The following MMP26 variants were observed in gnomAD, a reference collection of about 807,000 sequenced individuals.
MMP26 encodes matrix metallopeptidase 26.
Under a neutral mutation model 31.0 loss-of-function variants are expected in MMP26, and 33 were observed. The observed-to-expected ratio is 1.06, with a 90% CI of 0.81 to 1.42. The LOEUF (loss-of-function observed/expected upper bound fraction) is 1.42, where lower values mean the gene tolerates loss of function less well. MMP26 is among the 40% of genes most tolerant of loss of function. The pLI is 0.00. For synonymous variants in MMP26, 122 were observed against 114.9 expected, an observed-to-expected ratio of 1.06 and a Z score of -0.40; for missense variants, 347 against 316.1, an observed-to-expected ratio of 1.10 and a Z score of -0.74.
At chr11:4,754,927 C>T (rs182213096) in intron 1 of MMP26, among the ~76,000 whole-genome samples, 19 of 152,090 alleles carry the variant, frequency 1.2e-4, no homozygotes, top group African/African-American at 4.3e-4. Context: ...CACAGAACCA[C>T]AACCTGTATA....
rs1847756870 is a variant in MMP26 at position 4,705,043 on chromosome 11, A to G, written c.-219A>G. On this transcript the variant is annotated splice_region_variant and 5_prime_UTR_variant, in exon 1 of 8. Transcript: ENST00000380390. ...TTCCAGACCCAAGAATTCTGTGCAC[A>G]AGGTCAGTGTTGTAGTGCATTGAAG... 6.6e-6 allele frequency: 1 copy of G among 152,218 alleles called. No homozygotes were observed. Among genetic ancestry groups the G allele is most frequent in the Non-Finnish European group, 1.5e-5 (1 of 68,052 alleles). The allele number at this position is 152,218 out of a possible 1,614,324, so 9.4% of individuals were successfully genotyped here.
intron 2 of MMP26, among the ~76,000 whole-genome samples, chr11:4,902,742 A>C (rs1246727711): frequency 1.3e-5 from 2 of 152,206 alleles, no homozygotes; most frequent in Admixed American, 1.3e-4. Context: ...TTTGCTTCAG[A>C]TAACTTAACA....
intron 1 of MMP26, among the ~76,000 whole-genome samples, chr11:4,757,488 C>CA (rs951494075): frequency 1.1e-4 from 17 of 150,418 alleles, no homozygotes; most frequent in African/African-American, 2.9e-4. Context: ...AGACTTCAAA[C>CA]AAAAAAAAGT....
chr11:4,715,744 A>C (rs538311142), intron 1 of MMP26, among the ~76,000 whole-genome samples: 1 of 152,280 alleles, frequency 6.6e-6, no homozygotes, highest in East Asian at 1.9e-4. Context: ...TAGAATTCTA[A>C]AAGGGCTCTA....
intron 2 of MMP26, among the ~76,000 whole-genome samples, chr11:4,873,628 A>C (rs565279782): frequency 6.6e-6 from 1 of 152,160 alleles, no homozygotes; most frequent in African/African-American, 2.4e-5. Flanking sequence ...TTCATGACAA[A>C]TCTTTTGAGA....
chr11:4,763,553 G>A (rs1260968450), intron 1 of MMP26, among the ~76,000 whole-genome samples: 2 of 152,214 alleles, frequency 1.3e-5, no homozygotes, highest in African/African-American at 4.8e-5. Flanking sequence ...TGAAGGGCAT[G>A]TGGATAATTT....
intron 2 of MMP26, among the ~76,000 whole-genome samples, chr11:4,810,815 G>A (rs139118650): frequency 1.1e-3 from 166 of 152,294 alleles, no homozygotes; most frequent in African/African-American, 3.8e-3. Context: ...TTTCAGTACC[G>A]AATCCAGATT....
intron 2 of MMP26, among the ~76,000 whole-genome samples, chr11:4,901,390 G>A (rs2133559086): frequency 6.6e-6 from 1 of 152,014 alleles, no homozygotes; most frequent in Admixed American, 6.6e-5. Context: ...TCAATCTCCT[G>A]ACCTTGTGAT....
At position 4,812,242 on chromosome 11, in the gene MMP26, AT is replaced by A. The variant is rs199559594; in HGVS notation, c.-145+44902del. ...TTGGTGTGTGTATATATATATGTAT[AT>A]GTATATGTGTAATATATGTGTATAT... On this transcript the variant is annotated intron_variant, in intron 2 of 7. Transcript: ENST00000380390. 2.2e-3 allele frequency among the ~76,000 whole-genome samples: 334 copies of A among 152,292 alleles called. 9 individuals are homozygous for A. In the East Asian group the frequency reaches 0.041, roughly 19 times the overall value.
chr11:4,821,196 T>C (rs1033664208), intron 2 of MMP26: 11 of 556,576 alleles, frequency 2.0e-5, no homozygotes, highest in Non-Finnish European at 3.5e-5. Context: ...AAATTTGATG[T>C]GGCACAGTTC....
chr11:4,868,570 A>T (rs915589583), intron 2 of MMP26, among the ~76,000 whole-genome samples: 1 of 152,206 alleles, frequency 6.6e-6, no homozygotes, highest in African/African-American at 2.4e-5. Flanking sequence ...ATAAAAGAGG[A>T]TACAAACAAA....
At chr11:4,878,684 C>T (rs1040312167) in intron 2 of MMP26, among the ~76,000 whole-genome samples, 10 of 152,062 alleles carry the variant, frequency 6.6e-5, no homozygotes, top group Non-Finnish European at 1.3e-4. Context: ...GAAAACTATA[C>T]TTTATTAAGA....
intron 2 of MMP26, 63 bp from the exon 3 acceptor site, chr11:4,988,005 T>G: frequency 1.6e-6 from 1 of 609,150 alleles, no homozygotes; most frequent in Non-Finnish European, 3.0e-6. Flanking sequence ...TGAACTGAGC[T>G]TAAAAATAAA....
chr11:4,743,933 G>A (rs1180046972), intron 1 of MMP26, among the ~76,000 whole-genome samples: 4 of 151,994 alleles, frequency 2.6e-5, no homozygotes, highest in African/African-American at 9.7e-5. Flanking sequence ...AACCTCCTGA[G>A]CAGGTAGGAT....
chr11:4,888,547 G>C (rs34924020), intron 2 of MMP26, among the ~76,000 whole-genome samples: 12,786 of 152,056 alleles, frequency 0.084, 678 homozygotes, highest in Middle Eastern at 0.18. Context: ...AAAAAATGCT[G>C]TATTTTGAAA....
chr11:4,750,873 T>C (rs1197386469), intron 1 of MMP26, among the ~76,000 whole-genome samples: 1 of 152,030 alleles, frequency 6.6e-6, no homozygotes, highest in Non-Finnish European at 1.5e-5. Flanking sequence ...TTCAGCACTA[T>C]GCAATATATC....
intron 1 of MMP26, among the ~76,000 whole-genome samples, chr11:4,732,541 CAAAAAA>C (rs56079183): frequency 9.5e-5 from 9 of 94,670 alleles, no homozygotes; most frequent in Admixed American, 4.3e-4. Context: ...AGACTCGTCT[CAAAAAA>C]AAAAAAAAAA....
intron 2 of MMP26, chr11:4,882,885 G>T: frequency 6.2e-7 from 1 of 1,607,344 alleles, no homozygotes; most frequent in Non-Finnish European, 8.5e-7. Context: ...TGGGATTGAA[G>T]GTAGGAAATT....
At chr11:4,768,400 GT>G in intron 2 of MMP26, among the ~76,000 whole-genome samples, 1 of 152,270 alleles carries the variant, frequency 6.6e-6, no homozygotes, top group African/African-American at 2.4e-5. Context: ...TTCTAAGAAG[GT>G]TACTACAACT....
Sources: allele counts gnomAD v4.1 joint callset (sites outside exome capture counted in the v4.1 genomes callset), GRCh38; gene constraint gnomAD v4.1.1; transcripts MANE v1.5; gene names NCBI Gene and HGNC (gene_info 2026-07-23, HGNC 2026-07-21).